The following PRKDC variants were observed in gnomAD, a reference collection of about 807,000 sequenced individuals.
The protein encoded by PRKDC is DNA-dependent protein kinase catalytic subunit.
A neutral mutation model predicts 486.9 loss-of-function variants in PRKDC; 82 were observed. The observed-to-expected ratio is 0.17, with a 90% CI of 0.14 to 0.20. The LOEUF (loss-of-function observed/expected upper bound fraction) is 0.20. Among genes scored for constraint, PRKDC ranks in the 10% least tolerant of loss-of-function variants. PRKDC has a pLI of 1.00. For missense variants in PRKDC, 4,504 were observed against 5,038.2 expected, an observed-to-expected ratio of 0.89 and a Z score of 3.21; for synonymous variants, 1,895 against 1,837.0, an observed-to-expected ratio of 1.03 and a Z score of -0.81.
chr8:47,860,846 A>G, intron 45 of PRKDC, 53 bp downstream of exon 45: 1 of 1,419,192 alleles, frequency 7.0e-7, no homozygotes, highest in Non-Finnish European at 9.7e-7. Flanking sequence ...ACAAAACAAA[A>G]CAAAATAACC....
intron 21 of PRKDC, 116 bp from the exon 22 acceptor site, chr8:47,918,499 TAAAA>T (rs1181352252): frequency 9.4e-6 from 6 of 637,322 alleles, no homozygotes; most frequent in Non-Finnish European, 1.2e-5. Context: ...AATTATGATT[TAAAA>T]AAATTAAGTT....
At chr8:47,939,528 T>C (rs761415490) in intron 11 of PRKDC, 23 bp downstream of exon 11, 15 of 1,599,478 alleles carry the variant, frequency 9.4e-6, no homozygotes, top group East Asian at 2.2e-5. Context: ...CAAGACAAAA[T>C]AGAGTAAGTT....
chr8:47,800,855 C>T lies in PRKDC; in HGVS notation c.10054G>A (p.Glu3352Lys), dbSNP rs188295022. The T allele has an allele frequency of 5.3e-5, 86 of 1,613,318 alleles. No homozygotes were observed. In the Middle Eastern group the frequency reaches 6.6e-4, roughly 12 times the overall value. Reference protein sequence around the residue: ...SSEPACLAEIEEDKARRILEL... With the variant: ...SSEPACLAEIKEDKARRILEL... ...AAGATTCTTCTAGCCTTGTCCTCCTCGATTTCAGCAAGGCAGGCTGGCTCA... is the reference window on the plus strand; with the variant it reads ...AAGATTCTTCTAGCCTTGTCCTCCTTGATTTCAGCAAGGCAGGCTGGCTCA... The change falls in exon 71 of 86, where the codon GAG becomes AAG. Residue 3352 changes from glutamate (E) to lysine (K), a missense_variant. Transcript: ENST00000314191.
chr8:47,824,385 A>T lies in PRKDC; in HGVS notation c.8784-389T>A, dbSNP rs1006087947. Among the ~76,000 whole-genome samples, 4 of 148,684 alleles carry T rather than the reference A, an allele frequency of 2.7e-5. No homozygotes were observed. In the Admixed American group the frequency reaches 2.8e-4, roughly 10 times the overall value. Reference sequence around the variant, plus strand: ...GCTACTTGGGAGGCTGAGGCAGAGAACTGCTTGAACCCAGGAGGTGGAGGT... The same window carrying T: ...GCTACTTGGGAGGCTGAGGCAGAGATCTGCTTGAACCCAGGAGGTGGAGGT... On this transcript the variant is annotated intron_variant, in intron 63 of 85. Transcript: ENST00000314191.
intron 21 of PRKDC, among the ~76,000 whole-genome samples, chr8:47,921,855 C>T (rs867798835): frequency 1.6e-4 from 25 of 152,318 alleles, no homozygotes; most frequent in Admixed American, 1.3e-4. Context: ...ACAATCTCCA[C>T]TCACTGCAAC....
chr8:47,918,961 C>A (rs971303862), intron 21 of PRKDC, among the ~76,000 whole-genome samples: 5 of 146,094 alleles, frequency 3.4e-5, no homozygotes, highest in African/African-American at 1.3e-4. Context: ...GAATAAATTC[C>A]TTTTTTTTTT....
intron 30 of PRKDC, 33 bp from the exon 31 acceptor site, chr8:47,893,420 T>C: frequency 6.9e-7 from 1 of 1,441,900 alleles, no homozygotes; most frequent in Non-Finnish European, 9.2e-7. Flanking sequence ...AATGCACACA[T>C]ATACCTACAT....
Position 47,954,457 on chromosome 8 carries a change from A to C in PRKDC, c.400-11T>G, listed in dbSNP as rs1343679244. 3 of 1,089,452 alleles carry C rather than the reference A, an allele frequency of 2.8e-6. No individual in the cohort carries two copies. In the Admixed American group the frequency reaches 8.6e-5, roughly 31 times the overall value. The allele number at this position is 1,089,452 out of a possible 1,614,324, so 67.5% of individuals were successfully genotyped here. A position where few individuals can be genotyped will look rare whatever the true frequency, so the allele number is the denominator to read the frequency against. On this transcript the variant is annotated splice_polypyrimidine_tract_variant and intron_variant, in intron 4 of 85. Transcript: ENST00000314191. ...AAAAGTCTGAAGTAACTAAAAGAAT[A>C]CAAATTAGTACATCAATGTAGTGCG...
At chr8:47,903,763 A>G (rs910638499) in intron 26 of PRKDC, among the ~76,000 whole-genome samples, 3 of 152,260 alleles carry the variant, frequency 2.0e-5, no homozygotes, top group Non-Finnish European at 2.9e-5. Flanking sequence ...GGAGAAAAGA[A>G]ACAGAAAACA....
chr8:47,898,561 G>T lies in PRKDC; in HGVS notation c.3373C>A (p.Gln1125Lys). Residue 1125 changes from glutamine (Q) to lysine (K), a missense_variant, in exon 29 of 86, where the codon CAA becomes AAA. By Grantham distance (53) the Gln-to-Lys change is moderately conservative. Transcript: ENST00000314191. The stretch of plus-strand genomic sequence containing the variant: ...TGATCAATGGCATCACAACACTGTT[G>T]AATTGTACCTGTTCTCAAGTACAGA... ...HADEKSLGTI[Q>K]QCCDAIDHLC... The T allele has an allele frequency of 6.8e-7, 1 of 1,468,638 alleles. No individual in the cohort carries two copies. Among genetic ancestry groups the T allele is most frequent in the Non-Finnish European group, 9.2e-7 (1 of 1,089,346 alleles). The allele number at this position is 1,468,638 out of a possible 1,614,324, so 91.0% of individuals were successfully genotyped here.
chr8:47,941,783 C>T (rs147040370), intron 10 of PRKDC, among the ~76,000 whole-genome samples: 75 of 152,298 alleles, frequency 4.9e-4, no homozygotes, highest in African/African-American at 1.7e-3. Context: ...TGAACTTCTC[C>T]CCTGACTAAG....
rs1228962330 is a variant in PRKDC at position 47,857,029 on chromosome 8, G to C, written c.6609+127C>G. The C allele has an allele frequency of 2.8e-6, 3 of 1,070,382 alleles. No homozygotes were observed. The African/African-American group carries it at 4.9e-5, about 18-fold the overall frequency. 66.3% of individuals were successfully genotyped at this position (1,070,382 alleles called of 1,614,324 possible). ...GGCCATTTGGTTTAGGAGCACACCAGCAATGTAGCAACAAATGCTGAAAAC... is the reference window on the plus strand; with the variant it reads ...GGCCATTTGGTTTAGGAGCACACCACCAATGTAGCAACAAATGCTGAAAAC... On this transcript the variant is annotated intron_variant, in intron 49 of 85. Transcript: ENST00000314191.
intron 49 of PRKDC, among the ~76,000 whole-genome samples, chr8:47,856,314 G>T (rs868081128): frequency 6.6e-6 from 1 of 152,022 alleles, no homozygotes; most frequent in Admixed American, 6.6e-5. Context: ...CACAACCTCC[G>T]CCTCCCGGGT....
intron 3 of PRKDC, among the ~76,000 whole-genome samples, chr8:47,956,578 C>T (rs1273221959): frequency 6.6e-6 from 1 of 151,570 alleles, no homozygotes; most frequent in Non-Finnish European, 1.5e-5. Flanking sequence ...GTGGCACATC[C>T]TGTGGTCCCA....
In PRKDC at chr8:47,777,833, G is replaced by A. The variant is rs370149069; in HGVS notation, c.11895C>T (p.Arg3965=). ...TTGGTAACATCAGATTGATAAACTGGCGAGTTAGCCGAAAAGGCATCAACT... is the reference window on the plus strand; with the variant it reads ...TTGGTAACATCAGATTGATAAACTGACGAGTTAGCCGAAAAGGCATCAACT... The part of the protein sequence containing the change: ...VPELMPFRLT[R]QFINLMLPMK... Residue 3965 remains arginine, a synonymous_variant, in exon 84 of 86, where the codon CGC becomes CGT. Coordinates refer to ENST00000314191, the MANE Select transcript of PRKDC (RefSeq NM_006904.7). 1 of 1,613,980 alleles carries A rather than the reference G, an allele frequency of 6.2e-7. No homozygotes were observed. The highest frequency in any genetic ancestry group is 8.5e-7 in the Non-Finnish European group (1 of 1,179,892).
At chr8:47,852,274 C>T (rs2088425643) in intron 52 of PRKDC, among the ~76,000 whole-genome samples, 1 of 152,118 alleles carries the variant, frequency 6.6e-6, no homozygotes, top group Admixed American at 6.6e-5. Context: ...GATCCCTGCC[C>T]CTGTTCAACA....
chr8:47,799,837 G>A (rs183405248), intron 71 of PRKDC, among the ~76,000 whole-genome samples: 2 of 152,170 alleles, frequency 1.3e-5, no homozygotes, highest in East Asian at 1.9e-4. Flanking sequence ...CAAAATAATC[G>A]GCAAGAAGCT....
intron 7 of PRKDC, among the ~76,000 whole-genome samples, chr8:47,949,934 A>G (rs1338343863): frequency 3.3e-5 from 5 of 152,252 alleles, no homozygotes; most frequent in African/African-American, 1.2e-4. Flanking sequence ...CTAATGGAAG[A>G]AAAACAAAGT....
intron 54 of PRKDC, among the ~76,000 whole-genome samples, chr8:47,847,020 G>GA (rs985751543): frequency 9.9e-5 from 15 of 151,938 alleles, no homozygotes; most frequent in African/African-American, 4.8e-5. Context: ...ACAAATAAAT[G>GA]AAAAAACGGA....
Sources: gnomAD v4.1 joint callset for allele counts (sites outside exome capture counted in the v4.1 genomes callset) on GRCh38, gnomAD v4.1.1 for gene constraint, MANE v1.5 for transcripts, NCBI Gene and HGNC (gene_info 2026-07-23, HGNC 2026-07-21) for gene names.